ANKRD6: variants seen among roughly 807,000 people sequenced by gnomAD.
ANKRD6 encodes ankyrin repeat domain 6.
Under a neutral mutation model 82.3 loss-of-function variants are expected in ANKRD6, and 56 were observed. The ratio of observed to expected loss-of-function variants is 0.68; its 90% confidence interval spans 0.55 to 0.85. The LOEUF (loss-of-function observed/expected upper bound fraction) is 0.85. Among genes scored for constraint, ANKRD6 ranks in the 40% least tolerant of loss-of-function variants. The pLI is 0.00. For synonymous variants in ANKRD6, 347 were observed against 352.1 expected, an observed-to-expected ratio of 0.99 and a Z score of 0.16; for missense variants, 852 against 907.6, an observed-to-expected ratio of 0.94 and a Z score of 0.79.
intron 6 of ANKRD6, among the ~76,000 whole-genome samples, chr6:89,612,906 C>T (rs925774951): frequency 2.6e-5 from 4 of 152,192 alleles, no homozygotes; most frequent in East Asian, 1.9e-4. Flanking sequence ...GCCTTAGCCA[C>T]GTTGGCTAAA....
chr6:89,514,324 G>T (rs1780942364), intron 1 of ANKRD6, among the ~76,000 whole-genome samples: 2 of 152,174 alleles, frequency 1.3e-5, no homozygotes, highest in South Asian at 4.1e-4. Context: ...GTTGCAGTGA[G>T]CTGAGATTGT....
chr6:89,505,505 A>G (rs906624978), intron 1 of ANKRD6, among the ~76,000 whole-genome samples: 2 of 152,230 alleles, frequency 1.3e-5, no homozygotes, highest in Non-Finnish European at 2.9e-5. Context: ...ATTACAGGAC[A>G]TTAACTGGAC....
chr6:89,471,963 A>AG (rs1402876818), intron 1 of ANKRD6, among the ~76,000 whole-genome samples: 24 of 143,628 alleles, frequency 1.7e-4, no homozygotes, highest in Middle Eastern at 3.6e-3. Flanking sequence ...AAAAAAAAAA[A>AG]AGAGAGAGAG....
At chr6:89,499,812 T>A (rs1779064219) in intron 1 of ANKRD6, among the ~76,000 whole-genome samples, 1 of 152,078 alleles carries the variant, frequency 6.6e-6, no homozygotes, top group South Asian at 2.1e-4. Flanking sequence ...GCTCCTCAGT[T>A]TAGCCTGTCT....
intron 1 of ANKRD6, among the ~76,000 whole-genome samples, chr6:89,521,571 G>T (rs554689280): frequency 6.6e-6 from 1 of 152,198 alleles, no homozygotes; most frequent in African/African-American, 2.4e-5. Flanking sequence ...AAAGAGAACT[G>T]TGGCCTCAAT....
intron 1 of ANKRD6, among the ~76,000 whole-genome samples, chr6:89,538,734 C>T (rs2128001392): frequency 6.6e-6 from 1 of 152,078 alleles, no homozygotes; most frequent in South Asian, 2.1e-4. Flanking sequence ...GGGGAAATTC[C>T]ATCAAATGTA....
chr6:89,598,113 G>A (rs754507562), intron 3 of ANKRD6: 36 of 985,374 alleles, frequency 3.7e-5, no homozygotes, highest in Admixed American at 1.2e-4. Context: ...TTATGGCATG[G>A]TAAGAACTGA....
chr6:89,519,811 A>G (rs1781679059), intron 1 of ANKRD6, among the ~76,000 whole-genome samples: 1 of 152,234 alleles, frequency 6.6e-6, no homozygotes, highest in Non-Finnish European at 1.5e-5. Flanking sequence ...GATAGTTCAT[A>G]ATCATCTCTT....
At chr6:89,451,945 C>T (rs977576345) in intron 1 of ANKRD6, among the ~76,000 whole-genome samples, 3 of 152,050 alleles carry the variant, frequency 2.0e-5, no homozygotes, top group African/African-American at 7.2e-5. Flanking sequence ...ACCTCTAATC[C>T]CAGCACTTTG....
chr6:89,563,827 C>G (rs370120549), intron 1 of ANKRD6, among the ~76,000 whole-genome samples: 1 of 152,050 alleles, frequency 6.6e-6, no homozygotes, highest in East Asian at 1.9e-4. Flanking sequence ...TATCATTGTT[C>G]TAGATGGGAG....
At chr6:89,623,585 G>A in intron 11 of ANKRD6, 41 bp downstream of exon 11, 2 of 1,557,800 alleles carry the variant, frequency 1.3e-6, no homozygotes, top group Non-Finnish European at 1.7e-6. Flanking sequence ...GTGGCTGGGA[G>A]GCAGGGTGGC....
intron 1 of ANKRD6, among the ~76,000 whole-genome samples, chr6:89,468,970 T>C (rs1741085784): frequency 6.6e-6 from 1 of 152,180 alleles, no homozygotes. Context: ...GTCTTATAAA[T>C]TCAGTTCTTT....
intron 1 of ANKRD6, among the ~76,000 whole-genome samples, chr6:89,547,624 C>A (rs1179026092): frequency 2.6e-5 from 4 of 152,246 alleles, no homozygotes; most frequent in African/African-American, 9.6e-5. Context: ...TGTTTCTCTG[C>A]TTGTGGATAT....
intron 2 of ANKRD6, among the ~76,000 whole-genome samples, chr6:89,579,030 C>T (rs1791820157): frequency 6.6e-6 from 1 of 152,236 alleles, no homozygotes; most frequent in South Asian, 2.1e-4. Flanking sequence ...TTCTCCTCCC[C>T]TGTCCTTGCC....
intron 1 of ANKRD6, among the ~76,000 whole-genome samples, chr6:89,480,969 A>G (rs1776736480): frequency 6.9e-6 from 1 of 145,832 alleles, no homozygotes; most frequent in Admixed American, 7.0e-5. Flanking sequence ...AAGAAGAAGA[A>G]GAAGCAAAGT....
At chr6:89,502,691 A>C (rs569052021) in intron 1 of ANKRD6, among the ~76,000 whole-genome samples, 5 of 152,246 alleles carry the variant, frequency 3.3e-5, no homozygotes, top group Non-Finnish European at 7.4e-5. Flanking sequence ...ACCCTTTTTG[A>C]GCTTTTGGCT....
chr6:89,550,196 G>A (rs1441319398), intron 1 of ANKRD6, among the ~76,000 whole-genome samples: 1 of 152,072 alleles, frequency 6.6e-6, no homozygotes, highest in Non-Finnish European at 1.5e-5. Context: ...ATATATATGT[G>A]TCTGTATATT....
chr6:89,579,540 G>A (rs1306938444), intron 2 of ANKRD6, among the ~76,000 whole-genome samples: 1 of 152,090 alleles, frequency 6.6e-6, no homozygotes, highest in Non-Finnish European at 1.5e-5. Context: ...GGAGGTCAAG[G>A]CTGGTGGATC....
intron 1 of ANKRD6, among the ~76,000 whole-genome samples, chr6:89,456,754 T>C (rs1219559954): frequency 4.6e-5 from 7 of 152,206 alleles, no homozygotes; most frequent in Non-Finnish European, 1.0e-4. Flanking sequence ...ACAGAAATTT[T>C]ATATTAAAGT....
Sources: gnomAD v4.1 joint callset for allele counts (sites outside exome capture counted in the v4.1 genomes callset) on GRCh38, gnomAD v4.1.1 for gene constraint, MANE v1.5 for transcripts, NCBI Gene and HGNC (gene_info 2026-07-23, HGNC 2026-07-21) for gene names.